OR2L13: variants seen among roughly 807,000 people sequenced by gnomAD.
The protein encoded by OR2L13 is olfactory receptor family 2 subfamily L member 13.
Under a neutral mutation model 15.3 loss-of-function variants are expected in OR2L13, and 14 were observed. The ratio of observed to expected loss-of-function variants is 0.91; its 90% confidence interval spans 0.60 to 1.43. The LOEUF (loss-of-function observed/expected upper bound fraction) is 1.43. Among genes scored for constraint, OR2L13 ranks in the 40% most tolerant of loss-of-function variants. The pLI is 0.00. For synonymous variants in OR2L13, 152 were observed against 142.9 expected (o/e 1.06, Z -0.45); for missense variants, 367 against 387.9 (o/e 0.95, Z 0.45).
At chr1:248,043,518 C>G in the OR2L13 span, among the ~76,000 whole-genome samples, 7 of 152,240 alleles carry the variant, frequency 4.6e-5, no homozygotes, top group East Asian at 9.6e-4. Flanking sequence ...ATTTCTCAAG[C>G]AGGCCAACAA....
the OR2L13 span, among the ~76,000 whole-genome samples, chr1:247,940,759 C>T: frequency 0.026 from 1,838 of 69,902 alleles, 29 homozygotes; most frequent in African/African-American, 0.076. Flanking sequence ...TGTGTGTGCG[C>T]GCGCTAAGCA....
At chr1:248,044,980 T>G in the OR2L13 span, among the ~76,000 whole-genome samples, 1 of 152,122 alleles carries the variant, frequency 6.6e-6, no homozygotes, top group African/African-American at 2.4e-5. Context: ...CATGGGCAAT[T>G]GAACCCTGTG....
the OR2L13 span, among the ~76,000 whole-genome samples, chr1:248,032,291 T>C: frequency 2.0e-5 from 3 of 152,152 alleles, no homozygotes; most frequent in Admixed American, 2.0e-4. Context: ...ATTTAAATGT[T>C]TTTATTATTT....
At chr1:248,063,579 C>G in the OR2L13 span, among the ~76,000 whole-genome samples, 1 of 152,192 alleles carries the variant, frequency 6.6e-6, no homozygotes, top group Admixed American at 6.5e-5. Context: ...ATGAATACAA[C>G]AGGGAGGGGC....
the OR2L13 span, chr1:247,990,684 G>A: frequency 1.3e-5 from 20 of 1,530,668 alleles, no homozygotes; most frequent in Middle Eastern, 3.4e-4. Flanking sequence ...GAAAAAGAGT[G>A]TGTGCACTGA....
At chr1:248,031,969 G>T in the OR2L13 span, among the ~76,000 whole-genome samples, 1 of 151,958 alleles carries the variant, frequency 6.6e-6, no homozygotes, top group Non-Finnish European at 1.5e-5. Flanking sequence ...GTCATCGACT[G>T]CCCTATATAA....
chr1:248,080,601 G>A, the OR2L13 span, among the ~76,000 whole-genome samples: 3 of 152,116 alleles, frequency 2.0e-5, no homozygotes, highest in Non-Finnish European at 4.4e-5. Context: ...TGCAAAGGAC[G>A]TAAACTCATC....
At chr1:247,976,404 T>A in the OR2L13 span, among the ~76,000 whole-genome samples, 1 of 152,230 alleles carries the variant, frequency 6.6e-6, no homozygotes, top group Non-Finnish European at 1.5e-5. Context: ...ACTATTTTTA[T>A]ACCTGCTTAG....
At chr1:248,085,674 T>TA in the OR2L13 span, among the ~76,000 whole-genome samples, 1 of 152,188 alleles carries the variant, frequency 6.6e-6, no homozygotes, top group African/African-American at 2.4e-5. Flanking sequence ...TTTTACATTA[T>TA]AAGGAGAAAG....
chr1:247,993,899 G>A, the OR2L13 span, among the ~76,000 whole-genome samples: 3 of 152,122 alleles, frequency 2.0e-5, no homozygotes, highest in Admixed American at 2.0e-4. Context: ...GGGACCTAGT[G>A]ATGGAGTGTG....
chr1:247,951,571 A>C, the OR2L13 span, among the ~76,000 whole-genome samples: 1 of 152,088 alleles, frequency 6.6e-6, no homozygotes, highest in Non-Finnish European at 1.5e-5. Context: ...AAGCCTGTGG[A>C]TATTTGTTTT....
chr1:247,987,397 A>C, the OR2L13 span, among the ~76,000 whole-genome samples: 531 of 152,204 alleles, frequency 3.5e-3, 5 homozygotes, highest in African/African-American at 0.011. Context: ...TGAACTTCCA[A>C]TAATATGTTG....
upstream of OR2L13, among the ~76,000 whole-genome samples, chr1:248,091,988 C>T (rs764177691): frequency 9.9e-5 from 15 of 152,000 alleles, no homozygotes; most frequent in Non-Finnish European, 1.9e-4. Flanking sequence ...TTATATTTCT[C>T]ATTGTAGAGA....
the OR2L13 span, among the ~76,000 whole-genome samples, chr1:248,050,989 C>T: frequency 6.6e-6 from 1 of 152,094 alleles, no homozygotes; most frequent in African/African-American, 2.4e-5. Flanking sequence ...TTTAAGGGAT[C>T]TTTTATTAGT....
the OR2L13 span, among the ~76,000 whole-genome samples, chr1:247,985,444 C>G: frequency 6.6e-6 from 1 of 152,156 alleles, no homozygotes; most frequent in Non-Finnish European, 1.5e-5. Flanking sequence ...ATGAACTCAT[C>G]ACTTTTATGG....
At chr1:247,956,532 G>C in the OR2L13 span, among the ~76,000 whole-genome samples, 1 of 150,324 alleles carries the variant, frequency 6.7e-6, no homozygotes, top group Non-Finnish European at 1.5e-5. Flanking sequence ...AATTACCTTG[G>C]GCAGTATGGC....
chr1:248,022,970 C>A, the OR2L13 span: 2 of 1,220,180 alleles, frequency 1.6e-6, no homozygotes, highest in African/African-American at 1.5e-5. Flanking sequence ...TTATTACATG[C>A]CCAGTATGTC....
chr1:248,089,043 G>C, the OR2L13 span, among the ~76,000 whole-genome samples: 40 of 152,124 alleles, frequency 2.6e-4, no homozygotes, highest in African/African-American at 9.4e-4. Context: ...CCACAAGACT[G>C]CCTTCTCTTC....
chr1:247,959,656 T>G, the OR2L13 span, among the ~76,000 whole-genome samples: 6 of 152,146 alleles, frequency 3.9e-5, no homozygotes, highest in Non-Finnish European at 7.4e-5. Context: ...TTATTCTTTT[T>G]TCTCTAAACT....
Sources: allele counts gnomAD v4.1 joint callset (sites outside exome capture counted in the v4.1 genomes callset), GRCh38; gene constraint gnomAD v4.1.1; transcripts MANE v1.5; gene names NCBI Gene and HGNC (gene_info 2026-07-23, HGNC 2026-07-21).